The following ANKAR variants were observed in gnomAD, a reference collection of about 807,000 sequenced individuals.
ANKAR encodes ankyrin and armadillo repeat containing, also known as ankyrin and armadillo repeat-containing protein.
A neutral mutation model predicts 146.2 loss-of-function variants in ANKAR; 136 were observed. That is an observed-to-expected ratio of 0.93 (90% confidence interval 0.81 to 1.07). The LOEUF (loss-of-function observed/expected upper bound fraction) is 1.07, where lower values mean the gene tolerates loss of function less well. Ranked by LOEUF, ANKAR falls within the 50% of genes least tolerant of loss-of-function variation. The pLI is 0.00. For synonymous variants in ANKAR, 500 were observed against 575.8 expected (o/e 0.87, Z 1.88); for missense variants, 1,567 against 1,679.9 (o/e 0.93, Z 1.18).
At chr2:189,696,392 A>T in intron 7 of ANKAR, 23 bp downstream of exon 7, 1 of 1,594,674 alleles carries the variant, frequency 6.3e-7, no homozygotes, top group Non-Finnish European at 8.5e-7. Flanking sequence ...TTTTTAACCT[A>T]AAATGTTGTT....
chr2:189,725,309 C>CACACACACAT (rs1553525346), intron 12 of ANKAR, among the ~76,000 whole-genome samples: 5 of 148,610 alleles, frequency 3.4e-5, no homozygotes, highest in African/African-American at 1.3e-4. Context: ...CACACACACA[C>CACACACACAT]ACACACATAT....
rs758357338 is a variant in ANKAR, at chr2:189,727,977, A to T, written c.2757A>T (p.Lys919Asn). 6.2e-7 allele frequency: 1 copy of T among 1,614,080 alleles called. No individual in the cohort carries two copies. The highest frequency in any genetic ancestry group is 1.1e-5 in the South Asian group (1 of 91,084). Residue 919 changes from lysine to asparagine, a missense_variant, in exon 13 of 23, where the codon AAA (lysine) becomes AAT (asparagine). Coordinates refer to ENST00000684021, the MANE Select transcript of ANKAR (RefSeq NM_001378068.1). ...CTCTGGTGGCTCTTTTTAAAGGGAA[A>T]CAAATTAGTGTCCAAATGAAAGGTG... Reference protein sequence around the residue: ...IPPLVALFKGKQISVQMKGAM... With the variant: ...IPPLVALFKGNQISVQMKGAM...
At chr2:189,735,279 T>C (rs1222044005) in intron 17 of ANKAR, among the ~76,000 whole-genome samples, 1 of 152,204 alleles carries the variant, frequency 6.6e-6, no homozygotes, top group Non-Finnish European at 1.5e-5. Flanking sequence ...TTCTTGTGCA[T>C]CAGTTCTACA....
At chr2:189,739,497 A>G (rs1296310075) in intron 19 of ANKAR, among the ~76,000 whole-genome samples, 2 of 152,214 alleles carry the variant, frequency 1.3e-5, no homozygotes, top group Admixed American at 6.5e-5. Context: ...TAATCTAAAT[A>G]ACATTATTAA....
downstream of ANKAR, chr2:189,761,640 T>C (rs1689910234): frequency 1.3e-6 from 2 of 1,581,082 alleles, no homozygotes; most frequent in Non-Finnish European, 1.7e-6. Context: ...AAGATTAGCA[T>C]ACTTACTCTA....
At chr2:189,678,544 C>T (rs1295092128) in intron 2 of ANKAR, among the ~76,000 whole-genome samples, 1 of 152,140 alleles carries the variant, frequency 6.6e-6, no homozygotes, top group Non-Finnish European at 1.5e-5. Context: ...TCCGAGTTAT[C>T]TTCTACAATT....
intron 2 of ANKAR, among the ~76,000 whole-genome samples, chr2:189,683,849 C>T (rs1307835843): frequency 6.6e-6 from 1 of 152,234 alleles, no homozygotes; most frequent in Non-Finnish European, 1.5e-5. Flanking sequence ...AAAGCCAACT[C>T]TTTTTCAGAG....
chr2:189,745,923 T>C (rs1294526811), intron 22 of ANKAR, among the ~76,000 whole-genome samples: 5 of 152,168 alleles, frequency 3.3e-5, no homozygotes, highest in African/African-American at 9.7e-5. Context: ...CATAAAAGAA[T>C]AGTCAGTTCA....
In ANKAR at chr2:189,741,367, T is replaced by G. The variant is rs895761238; in HGVS notation, c.3726T>G (p.His1242Gln). ...GGAATTTAATAGCAAGCCTGGCTCA[T>G]TCTAGAGCTGGTATCCCAGAAGCAT... Reference protein sequence around the residue: ...LTGNLIASLAHSRAGIPEAFT... With the variant: ...LTGNLIASLAQSRAGIPEAFT... Residue 1242 changes from histidine to glutamine, a missense_variant, in exon 20 of 23, where the codon CAT becomes CAG. By Grantham distance (24) the His-to-Gln change is conservative. Transcript: ENST00000684021. 6.2e-7 allele frequency: 1 copy of G among 1,608,994 alleles called. No homozygotes were observed. Among genetic ancestry groups the G allele is most frequent in the African/African-American group, 1.3e-5 (1 of 74,824 alleles).
intron 2 of ANKAR, among the ~76,000 whole-genome samples, chr2:189,684,319 C>T (rs1296187959): frequency 6.6e-6 from 1 of 151,968 alleles, no homozygotes; most frequent in Non-Finnish European, 1.5e-5. Flanking sequence ...TTTTTTGAGA[C>T]TTGATTCAGA....
chr2:189,706,888 T>C (rs1225233817), intron 8 of ANKAR, 50 bp from the exon 9 acceptor site: 1 of 1,449,960 alleles, frequency 6.9e-7, no homozygotes, highest in South Asian at 1.4e-5. Flanking sequence ...TTACAAAAAG[T>C]AAATTTGACA....
intron 22 of ANKAR, among the ~76,000 whole-genome samples, chr2:189,745,030 A>T: frequency 1.5e-5 from 1 of 65,152 alleles, no homozygotes; most frequent in African/African-American, 4.1e-5. Context: ...ACTACTACTA[A>T]TAATACAAAA....
At position 189,686,007 on chromosome 2, in the gene ANKAR, G is replaced by C. The variant is rs549987902; in HGVS notation, c.602-3520G>C. The stretch of plus-strand genomic sequence containing the variant: ...CCACATAATGCTTTCAGTCTCTAAG[G>C]CTTCTTGTGGTTTTTGTTGGCTCCC... On this transcript the variant is annotated intron_variant, in intron 2 of 22. Coordinates refer to ENST00000684021, the MANE Select transcript of ANKAR (RefSeq NM_001378068.1). Among the ~76,000 whole-genome samples the C allele has an allele frequency of 4.6e-5, 7 of 152,204 alleles. No individual in the cohort carries two copies. The South Asian group carries it at 1.2e-3, about 27-fold the overall frequency.
chr2:189,677,170 C>G, intron 2 of ANKAR, 79 bp downstream of exon 2: 1 of 1,374,722 alleles, frequency 7.3e-7, no homozygotes, highest in Non-Finnish European at 9.5e-7. Flanking sequence ...AGGGTGGTCA[C>G]GAACCCCTGA....
downstream of ANKAR, chr2:189,761,671 A>G: frequency 6.7e-7 from 1 of 1,501,034 alleles, no homozygotes; most frequent in Non-Finnish European, 8.9e-7. Context: ...CTGAAAAAGA[A>G]TTACAGAAAC....
In ANKAR at chr2:189,693,456, C is replaced by T. The variant is rs114821836; in HGVS notation, c.1307+279C>T. On this transcript the variant is annotated intron_variant, in intron 5 of 22. Coordinates refer to ENST00000684021, the MANE Select transcript of ANKAR (RefSeq NM_001378068.1). The stretch of plus-strand genomic sequence containing the variant: ...AGGGGTAGAGATGGGGATCAAATCC[C>T]AGCCTATTTGTCTTTTATGTGTTGT... 1.8e-3 allele frequency among the ~76,000 whole-genome samples: 271 copies of T among 152,226 alleles called. 1 individual carries two copies. The highest frequency in any genetic ancestry group is 6.2e-3 in the African/African-American group (258 of 41,534).
chr2:189,719,533 A>G (rs1408214206), intron 10 of ANKAR, 39 bp from the exon 11 acceptor site: 1 of 1,539,094 alleles, frequency 6.5e-7, no homozygotes, highest in South Asian at 1.2e-5. Flanking sequence ...GGTTACCAAT[A>G]ATTCATGCTT....
chr2:189,727,092 T>A (rs898930739), intron 12 of ANKAR, among the ~76,000 whole-genome samples: 2 of 152,138 alleles, frequency 1.3e-5, no homozygotes, highest in Non-Finnish European at 2.9e-5. Flanking sequence ...AGTTGATGTA[T>A]TTATTTTTAA....
intron 7 of ANKAR, among the ~76,000 whole-genome samples, chr2:189,704,216 A>G (rs1269668770): frequency 4.0e-5 from 6 of 150,026 alleles, no homozygotes; most frequent in Non-Finnish European, 8.9e-5. Context: ...ATCTCTGCTC[A>G]CTACAACCTC....
Sources: gnomAD v4.1 joint callset for allele counts (sites outside exome capture counted in the v4.1 genomes callset) on GRCh38, gnomAD v4.1.1 for gene constraint, MANE v1.5 for transcripts, NCBI Gene and HGNC (gene_info 2026-07-23, HGNC 2026-07-21) for gene names.